The following SLC39A10 variants were observed in gnomAD, a reference collection of about 807,000 sequenced individuals.
SLC39A10 encodes the protein solute carrier family 39 member 10.
SLC39A10 carries 13 observed loss-of-function variants against 65.1 expected under a neutral mutation model. The ratio of observed to expected loss-of-function variants is 0.20; its 90% CI spans 0.13 to 0.32. The LOEUF is 0.32. SLC39A10 is among the 10% of genes least tolerant of loss of function. The pLI is 1.00. For synonymous variants in SLC39A10, 321 were observed against 342.2 expected (o/e 0.94, Z 0.68); for missense variants, 831 against 1,018.4 (o/e 0.82, Z 2.50).
At chr2:195,668,427 T>G (rs900665673) in intron 1 of SLC39A10, among the ~76,000 whole-genome samples, 15 of 152,240 alleles carry the variant, frequency 9.9e-5, no homozygotes, top group Admixed American at 6.5e-4. Flanking sequence ...GTTTTAGTGA[T>G]TAATCTTTTG....
intron 5 of SLC39A10, among the ~76,000 whole-genome samples, chr2:195,710,776 T>G (rs1011705312): frequency 2.6e-5 from 4 of 152,208 alleles, no homozygotes; most frequent in African/African-American, 9.7e-5. Context: ...ACTGGGAAAG[T>G]TCAACTTAGA....
intron 1 of SLC39A10, among the ~76,000 whole-genome samples, chr2:195,663,348 A>T (rs1165125922): frequency 6.6e-6 from 1 of 152,182 alleles, no homozygotes. Flanking sequence ...TTTTGCTTGC[A>T]TGTGAAGAAA....
At chr2:195,641,686 T>C (rs914873746) in intron 2 of SLC39A10, among the ~76,000 whole-genome samples, 6 of 87,532 alleles carry the variant, frequency 6.9e-5, no homozygotes, top group African/African-American at 2.0e-4. Context: ...AGTATAGTTC[T>C]TTTTTTTTTT....
intron 2 of SLC39A10, among the ~76,000 whole-genome samples, chr2:195,626,321 T>C (rs949013274): frequency 2.0e-5 from 3 of 152,122 alleles, no homozygotes; most frequent in African/African-American, 7.2e-5. Flanking sequence ...ATAGCAGTCT[T>C]ATGACCAAAA....
intron 1 of SLC39A10, among the ~76,000 whole-genome samples, chr2:195,674,106 A>G (rs768999014): frequency 1.6e-4 from 24 of 152,264 alleles, no homozygotes; most frequent in South Asian, 1.2e-3. Context: ...TCTTTTTGCA[A>G]TTTTAAAAAT....
In SLC39A10 at chr2:195,736,671, G is replaced by GTTAT. The variant is rs1553509231; in HGVS notation, c.*1633_*1636dup. On this transcript the variant is annotated 3_prime_UTR_variant, in exon 10 of 10. Transcript: ENST00000359634. ...ATGCTATAAGCAAGGGAGCTTAGGTGTTATTTCTTTAATTTATGCTTGAAT... is the reference window on the plus strand; with the variant it reads ...ATGCTATAAGCAAGGGAGCTTAGGTGTTATTTATTTCTTTAATTTATGCTTGAAT... 2.6e-5 allele frequency: 4 copies of GTTAT among 152,136 alleles called. No homozygotes were observed. The highest frequency in any genetic ancestry group is 1.9e-4 in the East Asian group (1 of 5,208). 9.4% of individuals were successfully genotyped at this position (152,136 alleles called of 1,614,324 possible). A position where few individuals can be genotyped will look rare whatever the true frequency, so the allele number is the denominator to read the frequency against.
intron 2 of SLC39A10, among the ~76,000 whole-genome samples, chr2:195,651,387 T>A (rs993313389): frequency 6.6e-6 from 1 of 152,230 alleles, no homozygotes; most frequent in Non-Finnish European, 1.5e-5. Flanking sequence ...ATCCCCAGGC[T>A]GAAATAGTCT....
intron 2 of SLC39A10, among the ~76,000 whole-genome samples, chr2:195,623,730 T>C (rs957148366): frequency 3.9e-5 from 6 of 152,210 alleles, no homozygotes; most frequent in Non-Finnish European, 8.8e-5. Context: ...TATTATACAC[T>C]TTTATGTGTA....
chr2:195,680,284 G>A lies in SLC39A10; in HGVS notation c.242G>A (p.Gly81Asp). The A allele has an allele frequency of 6.2e-7, 1 of 1,612,912 alleles. No individual in the cohort carries two copies. Among genetic ancestry groups the A allele is most frequent in the Non-Finnish European group, 8.5e-7 (1 of 1,179,666 alleles). Reference protein sequence around the residue: ...YGENGRLSFFGLEKLLTNLGL... With the variant: ...YGENGRLSFFDLEKLLTNLGL... Reference sequence around the variant, plus strand: ...GAAAATGGAAGATTATCCTTTTTTGGTTTGGAGAAACTTTTAACAAACTTG... The same window carrying A: ...GAAAATGGAAGATTATCCTTTTTTGATTTGGAGAAACTTTTAACAAACTTG... Residue 81 changes from glycine (G) to aspartate (D), a missense_variant, in exon 2 of 10, where the codon GGT (glycine) becomes GAT (aspartate). Gly to Asp is a moderately conservative substitution (Grantham distance 94, BLOSUM62 -1). This residue lies in a region of SLC39A10 where 446 missense variants were observed against 499.2 expected (regional missense o/e 0.89). Coordinates refer to ENST00000359634, the MANE Select transcript of SLC39A10 (RefSeq NM_020342.3).
At position 195,728,260 on chromosome 2, in the gene SLC39A10, ACAG is replaced by A; in HGVS notation, c.2250_2252del (p.Ala751del). On this transcript the variant is annotated inframe_deletion, in exon 9 of 10. Coordinates refer to ENST00000359634, the MANE Select transcript of SLC39A10 (RefSeq NM_020342.3). This position sits in a 1 kb window ranked among gnomAD's most constrained non-coding sequence, Gnocchi z 4.4. Reference sequence around the variant, plus strand: ...GGCTTACATAGGCATGCTCATAGGCACAGCTGTTGGTCAGTATGCCAATAACAT... The same window carrying A: ...GGCTTACATAGGCATGCTCATAGGCACTGTTGGTCAGTATGCCAATAACAT... 6.2e-7 allele frequency: 1 copy of A among 1,614,048 alleles called. No homozygotes were observed. The highest frequency in any genetic ancestry group is 8.5e-7 in the Non-Finnish European group (1 of 1,179,910).
intron 8 of SLC39A10, among the ~76,000 whole-genome samples, chr2:195,723,161 A>C (rs532899279): frequency 6.6e-6 from 1 of 152,190 alleles, no homozygotes; most frequent in Non-Finnish European, 1.5e-5. Flanking sequence ...AAGAAATTGA[A>C]AGCATTTGAG....
intron 1 of SLC39A10, among the ~76,000 whole-genome samples, chr2:195,671,096 C>T (rs1054284729): frequency 6.6e-6 from 1 of 152,138 alleles, no homozygotes; most frequent in African/African-American, 2.4e-5. Context: ...ACTCCCCACA[C>T]CAAAGTATAA....
At chr2:195,636,331 A>G (rs966744517) in intron 2 of SLC39A10, among the ~76,000 whole-genome samples, 1 of 152,264 alleles carries the variant, frequency 6.6e-6, no homozygotes, top group South Asian at 2.1e-4. Context: ...TTGTTATATC[A>G]TATGTAATTG....
intron 7 of SLC39A10, 32 bp from the exon 8 acceptor site, chr2:195,718,220 A>G: frequency 1.3e-6 from 2 of 1,570,132 alleles, no homozygotes; most frequent in South Asian, 2.3e-5. Context: ...AGATCAGCAA[A>G]CCTCACTTGT....
intron 5 of SLC39A10, among the ~76,000 whole-genome samples, chr2:195,709,709 T>G (rs971053629): frequency 6.6e-6 from 1 of 152,168 alleles, no homozygotes; most frequent in Non-Finnish European, 1.5e-5. Context: ...GTTACTACAT[T>G]TATTTTGGCA....
chr2:195,669,887 G>A (rs556958099), intron 1 of SLC39A10, among the ~76,000 whole-genome samples: 14 of 152,230 alleles, frequency 9.2e-5, no homozygotes, highest in Middle Eastern at 6.8e-3. Flanking sequence ...TGAGCTGGGC[G>A]CTGTGACTCA....
chr2:195,696,676 C>G (rs1690974846), intron 3 of SLC39A10, among the ~76,000 whole-genome samples: 3 of 152,070 alleles, frequency 2.0e-5, no homozygotes, highest in African/African-American at 7.2e-5. Flanking sequence ...AATACAACTA[C>G]TAGTAGCCTA....
At chr2:195,647,915 A>G (rs991219307) in intron 2 of SLC39A10, among the ~76,000 whole-genome samples, 1 of 152,206 alleles carries the variant, frequency 6.6e-6, no homozygotes, top group African/African-American at 2.4e-5. Context: ...AGACAGACTT[A>G]TAGAGGATGT....
chr2:195,708,583 A>G (rs1691491186), intron 4 of SLC39A10, 73 bp from the exon 5 acceptor site: 1 of 1,156,994 alleles, frequency 8.6e-7, no homozygotes, highest in South Asian at 1.9e-5. Flanking sequence ...GGAGATTATA[A>G]TTATTATAAT....
Sources: gnomAD v4.1 joint callset for allele counts (sites outside exome capture counted in the v4.1 genomes callset) on GRCh38, gnomAD v4.1.1 for gene constraint, gnomAD v4.1.1 regional missense constraint, Gnocchi (gnomAD v3.1) non-coding constraint, MANE v1.5 for transcripts, NCBI Gene and HGNC (gene_info 2026-07-23, HGNC 2026-07-21) for gene names.